Variants in CADM2 observed in about 807,000 individuals in gnomAD.
CADM2 encodes cell adhesion molecule 2, also known as immunoglobulin superfamily member 4D.
In CADM2, 12 loss-of-function variants were observed where a neutral mutation model predicts 49.8. The ratio of observed to expected loss-of-function variants is 0.24; its 90% CI spans 0.15 to 0.39. The LOEUF (loss-of-function observed/expected upper bound fraction) is 0.39, where lower values mean the gene tolerates loss of function less well. Ranked by LOEUF, CADM2 falls within the 10% of genes least tolerant of loss-of-function variation. The pLI is 1.00. For synonymous variants in CADM2, 214 were observed against 175.4 expected (o/e 1.22, Z -1.74); for missense variants, 378 against 492.3 (o/e 0.77, Z 2.20).
intron 3 of CADM2, among the ~76,000 whole-genome samples, chr3:85,859,223 T>C (rs1240906470): frequency 1.6e-5 from 2 of 124,532 alleles, no homozygotes; most frequent in Non-Finnish European, 3.3e-5. Context: ...CTTTTTTTTG[T>C]CTTTTTTTTT....
intron 1 of CADM2, among the ~76,000 whole-genome samples, chr3:85,529,737 G>C (rs1252432330): frequency 6.6e-6 from 1 of 151,854 alleles, no homozygotes; most frequent in Non-Finnish European, 1.5e-5. Context: ...CATTTGGAAC[G>C]TATTTCCACT....
At chr3:85,740,052 G>T (rs1318445343) in intron 2 of CADM2, among the ~76,000 whole-genome samples, 1 of 152,176 alleles carries the variant, frequency 6.6e-6, no homozygotes, top group Non-Finnish European at 1.5e-5. Context: ...GATGTTAAAA[G>T]TAGTCACATG....
At chr3:85,571,995 C>T (rs935619545) in intron 1 of CADM2, among the ~76,000 whole-genome samples, 2 of 152,126 alleles carry the variant, frequency 1.3e-5, no homozygotes, top group Non-Finnish European at 2.9e-5. Flanking sequence ...TACTAGAGCT[C>T]TATTTCAAAA....
intron 1 of CADM2, among the ~76,000 whole-genome samples, chr3:85,062,718 A>C (rs1445877917): frequency 2.6e-5 from 4 of 152,014 alleles, no homozygotes; most frequent in Non-Finnish European, 5.9e-5. Context: ...CAAGATTTGA[A>C]TATTCAGAAC....
At chr3:85,281,760 T>C (rs2043504973) in intron 1 of CADM2, among the ~76,000 whole-genome samples, 1 of 152,100 alleles carries the variant, frequency 6.6e-6, no homozygotes, top group Non-Finnish European at 1.5e-5. Flanking sequence ...TAGTTGCAGA[T>C]TTTGTATGTC....
chr3:85,654,661 T>C (rs922618199), intron 1 of CADM2, among the ~76,000 whole-genome samples: 10 of 152,226 alleles, frequency 6.6e-5, no homozygotes, highest in Non-Finnish European at 1.5e-4. Context: ...ACCCACTTAA[T>C]ATTAGTGCCC....
intron 1 of CADM2, among the ~76,000 whole-genome samples, chr3:85,670,582 C>T (rs575153562): frequency 4.2e-4 from 64 of 152,120 alleles, no homozygotes; most frequent in Non-Finnish European, 8.7e-4. Flanking sequence ...TCAAATTCAA[C>T]TTCTCAGCAA....
Position 86,058,386 on chromosome 3 carries a change from C to T in CADM2, c.971-7219C>T, listed in dbSNP as rs143487200. 3.4e-4 allele frequency among the ~76,000 whole-genome samples: 52 copies of T among 152,146 alleles called. 1 individual carries two copies. The East Asian group carries it at 9.7e-3, about 28-fold the overall frequency. ...TGGATAGTGCTTCCTTTGTGTCAGACATTCTTCTAAGCCATTTCAGAGTAT... is the reference window on the plus strand; with the variant it reads ...TGGATAGTGCTTCCTTTGTGTCAGATATTCTTCTAAGCCATTTCAGAGTAT... On this transcript the variant is annotated intron_variant, in intron 8 of 9. Coordinates refer to ENST00000383699, the MANE Select transcript of CADM2 (RefSeq NM_001167675.2).
intron 1 of CADM2, among the ~76,000 whole-genome samples, chr3:85,157,747 A>T (rs1401180289): frequency 8.6e-5 from 13 of 151,972 alleles, no homozygotes; most frequent in African/African-American, 3.1e-4. Context: ...CTAGAAGAAA[A>T]CCTAGGCATT....
rs80334991 is a variant in CADM2 at position 86,025,545 on chromosome 3, G to A, written c.971-40060G>A. On this transcript the variant is annotated intron_variant, in intron 8 of 9. Coordinates refer to ENST00000383699, the MANE Select transcript of CADM2 (RefSeq NM_001167675.2). ...ATGTCTTTCATTCACATCTTCATCT[G>A]GCAGACACTTCCTTCGTTGGTGAAG... Among the ~76,000 whole-genome samples the A allele has an allele frequency of 9.7e-3, 1,473 of 151,570 alleles. 33 individuals are homozygous for A. Among genetic ancestry groups the A allele is most frequent in the East Asian group, 0.062 (321 of 5,142 alleles).
intron 1 of CADM2, among the ~76,000 whole-genome samples, chr3:85,555,691 A>G (rs2061941219): frequency 1.3e-5 from 2 of 152,124 alleles, no homozygotes; most frequent in African/African-American, 2.4e-5. Flanking sequence ...ACAATTTTCT[A>G]TTAAATACAG....
chr3:85,800,296 A>T (rs1487446126), intron 2 of CADM2: 1 of 152,310 alleles, frequency 6.6e-6, no homozygotes, highest in Non-Finnish European at 1.5e-5. Context: ...AAGAATTTCA[A>T]GCCAGTGGAT....
intron 1 of CADM2, among the ~76,000 whole-genome samples, chr3:85,038,539 AT>A: frequency 6.6e-6 from 1 of 152,264 alleles, no homozygotes; most frequent in African/African-American, 2.4e-5. Context: ...AGGCATCTAC[AT>A]TTTTTATATC....
chr3:85,127,099 A>AT (rs2039060988), intron 1 of CADM2, among the ~76,000 whole-genome samples: 1 of 152,132 alleles, frequency 6.6e-6, no homozygotes, highest in Non-Finnish European at 1.5e-5. Context: ...AACTGTTAAC[A>AT]TTTTACCATT....
intron 1 of CADM2, among the ~76,000 whole-genome samples, chr3:85,111,642 A>G (rs1371933036): frequency 6.8e-6 from 1 of 147,842 alleles, no homozygotes; most frequent in Non-Finnish European, 1.5e-5. Flanking sequence ...GGAGGTGGAG[A>G]TGGTTGATGG....
At position 85,660,783 on chromosome 3, in the gene CADM2, C is replaced by T. The variant is rs541929314; in HGVS notation, c.62-65739C>T. Among the ~76,000 whole-genome samples the T allele has an allele frequency of 5.3e-4, 80 of 152,096 alleles. 1 individual carries two copies. The highest frequency in any genetic ancestry group is 1.7e-3 in the African/African-American group (71 of 41,530). On this transcript the variant is annotated intron_variant, in intron 1 of 9. Transcript: ENST00000383699. Reference sequence around the variant, plus strand: ...AACATCATGGACAGATAGACTTTGACACAGAATAAGCTCAGATATTTCCAA... The same window carrying T: ...AACATCATGGACAGATAGACTTTGATACAGAATAAGCTCAGATATTTCCAA...
At chr3:84,976,669 A>G (rs1380992298) in intron 1 of CADM2, among the ~76,000 whole-genome samples, 3 of 151,836 alleles carry the variant, frequency 2.0e-5, no homozygotes, top group African/African-American at 7.2e-5. Context: ...TGCTCTATAC[A>G]TTTTTATAAT....
intron 1 of CADM2, among the ~76,000 whole-genome samples, chr3:85,519,212 G>T (rs2060973785): frequency 6.6e-6 from 1 of 152,108 alleles, no homozygotes; most frequent in Admixed American, 6.6e-5. Flanking sequence ...TAGGGAGGTA[G>T]TAGCACAAGC....
At chr3:86,022,818 A>C (rs1466303733) in intron 8 of CADM2, among the ~76,000 whole-genome samples, 4 of 152,264 alleles carry the variant, frequency 2.6e-5, no homozygotes, top group Non-Finnish European at 5.9e-5. Flanking sequence ...CCCTCATTTA[A>C]TTCAGCTTCC....
Sources: allele counts gnomAD v4.1 joint callset (sites outside exome capture counted in the v4.1 genomes callset), GRCh38; gene constraint gnomAD v4.1.1; transcripts MANE v1.5; gene names NCBI Gene and HGNC (gene_info 2026-07-23, HGNC 2026-07-21).